Variants in CDK12 observed in about 807,000 individuals in gnomAD.
CDK12 encodes cyclin dependent kinase 12, also known as cyclin-dependent kinase 12.
CDK12 carries 17 observed loss-of-function variants against 133.8 expected under a neutral mutation model. The ratio of observed to expected loss-of-function variants is 0.13; its 90% confidence interval spans 0.09 to 0.19. The LOEUF is 0.19. Among genes scored for constraint, CDK12 ranks in the 10% least tolerant of loss-of-function variants. The pLI is 1.00. For missense variants in CDK12, 1,508 were observed against 1,818.7 expected (o/e 0.83, Z 3.11); for synonymous variants, 694 against 683.6 (o/e 1.02, Z -0.24).
intron 3 of CDK12, among the ~76,000 whole-genome samples, chr17:39,562,285 C>T (rs1320481183): frequency 6.6e-6 from 1 of 152,228 alleles, no homozygotes; most frequent in Non-Finnish European, 1.5e-5. Context: ...ATCGAAACAA[C>T]TAGAGATACC....
At chr17:39,555,775 C>T (rs1367775759) in intron 2 of CDK12, among the ~76,000 whole-genome samples, 1 of 150,374 alleles carries the variant, frequency 6.7e-6, no homozygotes, top group Middle Eastern at 3.4e-3. Flanking sequence ...GGGTGGATCG[C>T]TTGAGCTTAG....
chr17:39,528,650 T>A (rs1456412798), intron 13 of CDK12, among the ~76,000 whole-genome samples: 2 of 152,202 alleles, frequency 1.3e-5, no homozygotes, highest in African/African-American at 2.4e-5. Context: ...TACTTTGGAA[T>A]AGAATTTTTA....
chr17:39,462,046 C>G lies in CDK12; in HGVS notation c.-26C>G, dbSNP rs2048994413. ...TTTTGGAGTGCTGGGGAACTTTTTTCCCTTCTTCAGGTCAGGGGAAAGGGA... is the reference window on the plus strand; with the variant it reads ...TTTTGGAGTGCTGGGGAACTTTTTTGCCTTCTTCAGGTCAGGGGAAAGGGA... On this transcript the variant is annotated 5_prime_UTR_variant, in exon 1 of 14. Coordinates refer to ENST00000447079, the MANE Select transcript of CDK12 (RefSeq NM_016507.4). 3 of 1,589,826 alleles carry G rather than the reference C, an allele frequency of 1.9e-6. No individual in the cohort carries two copies. Among genetic ancestry groups the G allele is most frequent in the Non-Finnish European group, 2.6e-6 (3 of 1,164,694 alleles).
chr17:39,556,891 C>T (rs1361159947), intron 3 of CDK12: 3 of 152,178 alleles, frequency 2.0e-5, no homozygotes, highest in Non-Finnish European at 1.5e-5. Context: ...CCTCCTGGCT[C>T]TCAGTGGAGA....
chr17:39,491,730 T>C (rs1474401528), intron 3 of CDK12, among the ~76,000 whole-genome samples: 2 of 141,650 alleles, frequency 1.4e-5, no homozygotes, highest in Admixed American at 7.4e-5. Context: ...TGAGACAGAG[T>C]CTCCCTCTGT....
intron 9 of CDK12, 98 bp downstream of exon 9, chr17:39,515,906 T>C (rs1041916030): frequency 5.4e-6 from 4 of 742,600 alleles, no homozygotes; most frequent in Non-Finnish European, 8.9e-6. Context: ...AGTTTATGTT[T>C]CTTATGTCCA....
At chr17:39,468,370 C>T (rs2049513396) in intron 1 of CDK12, among the ~76,000 whole-genome samples, 1 of 152,112 alleles carries the variant, frequency 6.6e-6, no homozygotes, top group African/African-American at 2.4e-5. Context: ...CCATATCTCC[C>T]TGATCAAAGA....
Position 39,462,740 on chromosome 17 carries a change from C to G in CDK12, c.669C>G (p.Pro223=), listed in dbSNP as rs746286441. ...VDSPKRRSRS[P]HRKWSDSSKQ... ...GCCCAAAACGGAGATCCAGGAGCCC[C>G]CACAGGAAGTGGTCTGACAGCTCCA... is the stretch of plus-strand genomic sequence containing the variant. The change falls in exon 1 of 14, where the codon CCC becomes CCG. Residue 223 remains proline (P), a synonymous_variant. Coordinates refer to ENST00000447079, the MANE Select transcript of CDK12 (RefSeq NM_016507.4). 1 of 1,614,148 alleles carries G rather than the reference C, an allele frequency of 6.2e-7. No homozygotes were observed. Among genetic ancestry groups the G allele is most frequent in the South Asian group, 1.1e-5 (1 of 91,090 alleles).
In CDK12 at chr17:39,462,339, A is replaced by G. The variant is rs2144862727; in HGVS notation, c.268A>G (p.Lys90Glu). The change falls in exon 1 of 14, where the codon AAA becomes GAA. Residue 90 changes from lysine (K) to glutamate (E), a missense_variant. Coordinates refer to ENST00000447079, the MANE Select transcript of CDK12 (RefSeq NM_016507.4). ...SDTFSDDMAF[K>E]LDRRENDERR... ...CACCTTCTCCGATGACATGGCCTTC[A>G]AACTAGACCGAAGGGAGAACGACGA... 2 of 1,614,228 alleles carry G rather than the reference A, an allele frequency of 1.2e-6. No homozygotes were observed. The highest frequency in any genetic ancestry group is 1.7e-6 in the Non-Finnish European group (2 of 1,180,042).
At chr17:39,548,494 T>C (rs2055819015), upstream of CDK12, among the ~76,000 whole-genome samples, 1 of 152,146 alleles carries the variant, frequency 6.6e-6, no homozygotes, top group African/African-American at 2.4e-5. Flanking sequence ...GGGGAAAAAA[T>C]CTCTTATAAT....
At chr17:39,504,945 TG>T in intron 6 of CDK12, among the ~76,000 whole-genome samples, 1 of 146,616 alleles carries the variant, frequency 6.8e-6, no homozygotes, top group East Asian at 2.0e-4. Flanking sequence ...GTTGAAGATT[TG>T]GGGGCCAGGC....
intron 11 of CDK12, among the ~76,000 whole-genome samples, chr17:39,520,602 G>T (rs1270352803): frequency 6.6e-6 from 1 of 152,114 alleles, no homozygotes; most frequent in Non-Finnish European, 1.5e-5. Flanking sequence ...TGCTGGCCCA[G>T]CTGGTCTCGA....
rs2146854032 is a variant in CDK12, at chr17:39,531,286, AG to A, written c.4448del (p.Gly1483GlufsTer16). ...GGGGGCCTACAAGAGTCCCACCAAG[AG>A]GGGGAAGAGGGAGAGGAGTTCCTTA... Reference protein sequence around the residue: ...YRGPTRVPPRGGRGRGVPY With the variant: ...YRGPTRVPPRXGRGRGVPY On this transcript the variant is annotated frameshift_variant, in exon 14 of 14. Coordinates refer to ENST00000447079, the MANE Select transcript of CDK12 (RefSeq NM_016507.4). LOFTEE classifies it high-confidence loss of function. 1 of 1,494,954 alleles carries A rather than the reference AG, an allele frequency of 6.7e-7. No individual in the cohort carries two copies. Among genetic ancestry groups the A allele is most frequent in the Non-Finnish European group, 8.9e-7 (1 of 1,125,372 alleles). The allele number at this position is 1,494,954 out of a possible 1,614,324, so 92.6% of individuals were successfully genotyped here.
At chr17:39,469,584 T>G (rs1353135985) in intron 1 of CDK12, among the ~76,000 whole-genome samples, 1 of 152,122 alleles carries the variant, frequency 6.6e-6, no homozygotes, top group Non-Finnish European at 1.5e-5. Flanking sequence ...GCATGCTTGT[T>G]GCTTTTAACT....
At chr17:39,555,828 TACACACACACACAC>T (rs60227908) in intron 2 of CDK12, among the ~76,000 whole-genome samples, 5,615 of 108,632 alleles carry the variant, frequency 0.052, 286 homozygotes, top group African/African-American at 0.12. Context: ...ACCTCATCTC[TACACACACACACAC>T]ACACACACAC....
At chr17:39,562,708 A>G (rs185884673) in intron 3 of CDK12, among the ~76,000 whole-genome samples, 1 of 152,212 alleles carries the variant, frequency 6.6e-6, no homozygotes, top group East Asian at 1.9e-4. Context: ...TTTGTCATCA[A>G]AAAAAGGGCA....
intron 6 of CDK12, among the ~76,000 whole-genome samples, chr17:39,505,982 A>C (rs1373891510): frequency 6.6e-6 from 1 of 152,160 alleles, no homozygotes; most frequent in Non-Finnish European, 1.5e-5. Flanking sequence ...AGGACCTCTC[A>C]CCTAATGACT....
downstream of CDK12, among the ~76,000 whole-genome samples, chr17:39,536,931 T>C (rs1178027324): frequency 6.6e-6 from 1 of 152,230 alleles, no homozygotes; most frequent in Non-Finnish European, 1.5e-5. Flanking sequence ...ACCCAGGTTC[T>C]CTAGGACCTG....
At chr17:39,490,396 T>C (rs1255881644) in intron 2 of CDK12, among the ~76,000 whole-genome samples, 161 bp from the exon 3 acceptor site, 1 of 152,022 alleles carries the variant, frequency 6.6e-6, no homozygotes, top group Non-Finnish European at 1.5e-5. Flanking sequence ...TAAGTATCTT[T>C]AGTTGTGATT....
Sources: gnomAD v4.1 joint callset for allele counts (sites outside exome capture counted in the v4.1 genomes callset) on GRCh38, gnomAD v4.1.1 for gene constraint, MANE v1.5 for transcripts, NCBI Gene and HGNC (gene_info 2026-07-23, HGNC 2026-07-21) for gene names.